COL24A1: variants seen among roughly 807,000 people sequenced by gnomAD.
COL24A1 encodes the protein collagen type XXIV alpha 1 chain.
A neutral mutation model predicts 253.9 loss-of-function variants in COL24A1; 224 were observed. The ratio of observed to expected loss-of-function variants is 0.88; its 90% CI spans 0.79 to 0.99. The LOEUF is 0.99. Among genes scored for constraint, COL24A1 ranks in the 50% least tolerant of loss-of-function variants. The pLI, the probability that COL24A1 is intolerant of heterozygous loss-of-function variation, is 0.00. For missense variants in COL24A1, 2,131 were observed against 2,068.5 expected (o/e 1.03, Z -0.59); for synonymous variants, 685 against 673.7 (o/e 1.02, Z -0.26).
At chr1:86,110,064 T>G (rs1705392561) in intron 5 of COL24A1, among the ~76,000 whole-genome samples, 1 of 152,124 alleles carries the variant, frequency 6.6e-6, no homozygotes, top group Non-Finnish European at 1.5e-5. Flanking sequence ...CTGTTGCTTA[T>G]AAACTACTCA....
rs549888011 is a variant in COL24A1 at position 86,033,657 on chromosome 1, ATTAAT to A, written c.2004+208_2004+212del. Among the ~76,000 whole-genome samples the A allele has an allele frequency of 2.7e-3, 389 of 142,356 alleles. 2 individuals are homozygous for A. The highest frequency in any genetic ancestry group is 9.3e-3 in the African/African-American group (375 of 40,116). The allele number at this position is 142,356 out of a possible 152,430, so 93.4% of individuals were successfully genotyped here. On this transcript the variant is annotated intron_variant, in intron 13 of 59. Coordinates refer to ENST00000370571, the MANE Select transcript of COL24A1 (RefSeq NM_152890.7). Reference sequence around the variant, plus strand: ...AGTTATACTTAACATCATCAAAATAATTAATTTAAAGATTGAATGTCATGATGAAA... The same window carrying A: ...AGTTATACTTAACATCATCAAAATAATTAAAGATTGAATGTCATGATGAAA...
At chr1:85,944,084 C>A (rs147254863) in intron 24 of COL24A1, among the ~76,000 whole-genome samples, 23 of 152,282 alleles carry the variant, frequency 1.5e-4, no homozygotes, top group African/African-American at 4.3e-4. Flanking sequence ...TTCTACAGAT[C>A]TCAGCTCTTT....
Position 86,125,618 on chromosome 1 carries a change from G to A in COL24A1, c.718C>T (p.Gln240Ter). ...ASADYCRYVK[Q>*]QCRQADKYQP... ...TATTTGTCTGCTTGGCGACACTGCT[G>A]TTTCACATATCTGCAGTAGTCTGCA... is the stretch of plus-strand genomic sequence containing the variant. The change falls in exon 3 of 60, where the codon CAG becomes TAG. Residue 240 changes from glutamine (Q) to a stop codon, truncating the protein, a stop_gained. Transcript: ENST00000370571. LOFTEE classifies it high-confidence loss of function. The A allele has an allele frequency of 6.2e-7, 1 of 1,613,206 alleles. No homozygotes were observed. Among genetic ancestry groups the A allele is most frequent in the South Asian group, 1.1e-5 (1 of 91,062 alleles).
intron 12 of COL24A1, among the ~76,000 whole-genome samples, chr1:86,035,823 T>A (rs1232022512): frequency 6.6e-6 from 1 of 152,098 alleles, no homozygotes; most frequent in Non-Finnish European, 1.5e-5. Flanking sequence ...GCCTAGAGAA[T>A]GTGCTGTTCT....
intron 7 of COL24A1, among the ~76,000 whole-genome samples, chr1:86,066,428 T>C (rs1336695486): frequency 6.6e-6 from 1 of 151,424 alleles, no homozygotes; most frequent in East Asian, 2.0e-4. Context: ...GTATTTTTAG[T>C]AGAGATGGGG....
chr1:86,153,667 C>A (rs1572098377), intron 1 of COL24A1, among the ~76,000 whole-genome samples: 2 of 152,332 alleles, frequency 1.3e-5, no homozygotes, highest in East Asian at 1.9e-4. Flanking sequence ...TAGATTTACT[C>A]TCCCTGAGAC....
intron 43 of COL24A1, among the ~76,000 whole-genome samples, chr1:85,833,684 C>T (rs891292109): frequency 1.8e-4 from 28 of 152,036 alleles, no homozygotes; most frequent in Admixed American, 1.8e-3. Context: ...TATTGTGGCA[C>T]TATTCACAAT....
intron 5 of COL24A1, among the ~76,000 whole-genome samples, chr1:86,094,513 A>G (rs1443003189): frequency 6.6e-6 from 1 of 152,006 alleles, no homozygotes; most frequent in Non-Finnish European, 1.5e-5. Context: ...AGGAAAAATA[A>G]CTAATGGGAA....
At chr1:86,014,685 A>G (rs615325) in intron 19 of COL24A1, among the ~76,000 whole-genome samples, 1,565 of 152,106 alleles carry the variant, frequency 0.01, 38 homozygotes, top group African/African-American at 0.035. Context: ...AAAGTGTTCA[A>G]ATTGCCTTTT....
At chr1:85,878,995 T>C (rs1681517734) in intron 32 of COL24A1, among the ~76,000 whole-genome samples, 3 of 152,184 alleles carry the variant, frequency 2.0e-5, no homozygotes, top group African/African-American at 7.2e-5. Context: ...TTATCAGATA[T>C]ATGTTTTGAA....
chr1:85,899,538 C>A (rs896614019), intron 28 of COL24A1, among the ~76,000 whole-genome samples: 1 of 152,068 alleles, frequency 6.6e-6, no homozygotes, highest in African/African-American at 2.4e-5. Flanking sequence ...ATCTCCAAGG[C>A]TAGTGATAGA....
At chr1:85,842,540 C>T in intron 39 of COL24A1, 147 bp from the exon 40 acceptor site, 1 of 577,650 alleles carries the variant, frequency 1.7e-6, no homozygotes, top group African/African-American at 2.0e-5. Flanking sequence ...CAAAAAATAA[C>T]CCCCCAACTT....
intron 28 of COL24A1, among the ~76,000 whole-genome samples, chr1:85,905,786 C>T (rs1217296330): frequency 6.6e-6 from 1 of 152,012 alleles, no homozygotes; most frequent in African/African-American, 2.4e-5. Context: ...TGAGACAGCA[C>T]AAAGTGGTTT....
intron 5 of COL24A1, among the ~76,000 whole-genome samples, chr1:86,110,592 G>A (rs60449940): frequency 0.042 from 6,390 of 152,038 alleles, 464 homozygotes; most frequent in African/African-American, 0.15. Context: ...GGCTGCGTGC[G>A]GCGCTCGCGA....
chr1:86,142,527 A>AAG (rs1553149884), intron 2 of COL24A1, among the ~76,000 whole-genome samples: 1 of 150,594 alleles, frequency 6.6e-6, no homozygotes, highest in Non-Finnish European at 1.5e-5. Context: ...TGCCTCAAAA[A>AAG]AAAAAACAAA....
At chr1:85,802,346 T>G (rs1185275295) in intron 47 of COL24A1, among the ~76,000 whole-genome samples, 1 of 152,138 alleles carries the variant, frequency 6.6e-6, no homozygotes, top group Non-Finnish European at 1.5e-5. Flanking sequence ...CTCACCAAAC[T>G]TTAGCCGTAC....
In COL24A1 at chr1:85,961,293, C is replaced by T. The variant is rs1328944254; in HGVS notation, c.2518G>A (p.Gly840Arg). 6.2e-7 allele frequency: 1 copy of T among 1,600,870 alleles called. No individual in the cohort carries two copies. Among genetic ancestry groups the T allele is most frequent in the East Asian group, 2.2e-5 (1 of 44,484 alleles). Residue 840 changes from glycine to arginine, a missense_variant and splice_region_variant, in exon 24 of 60, where the codon GGA (glycine) becomes AGA (arginine). By Grantham distance (125) the Gly-to-Arg change is moderately radical (BLOSUM62 -2). Coordinates refer to ENST00000370571, the MANE Select transcript of COL24A1 (RefSeq NM_152890.7). ...AGEPGPEGLK[G>R]EVGDQGNIGK... is the part of the protein sequence containing the mutation. The stretch of plus-strand genomic sequence containing the variant: ...ATATTTCCTTGATCTCCTACTTCTC[C>T]CTGTCAAAAAAGAATATAAAGTTGC...
At chr1:85,999,543 A>G (rs1695188649) in intron 19 of COL24A1, among the ~76,000 whole-genome samples, 2 of 152,074 alleles carry the variant, frequency 1.3e-5, no homozygotes, top group Admixed American at 1.3e-4. Flanking sequence ...GGACTGCTTG[A>G]GCCTGGAGGC....
At chr1:85,899,020 G>A (rs1040371948) in intron 28 of COL24A1, among the ~76,000 whole-genome samples, 5 of 152,170 alleles carry the variant, frequency 3.3e-5, no homozygotes, top group South Asian at 2.1e-4. Flanking sequence ...TTGAGTAGCC[G>A]AAGATGAAAA....
Sources: gnomAD v4.1 joint callset for allele counts (sites outside exome capture counted in the v4.1 genomes callset) on GRCh38, gnomAD v4.1.1 for gene constraint, MANE v1.5 for transcripts, NCBI Gene and HGNC (gene_info 2026-07-23, HGNC 2026-07-21) for gene names.